Variants in PCSK5 observed in about 807,000 individuals in gnomAD.
The protein encoded by PCSK5 is prohormone convertase 5.
PCSK5 carries 129 observed loss-of-function variants against 233.2 expected under a neutral mutation model. The ratio of observed to expected loss-of-function variants is 0.55; its 90% confidence interval spans 0.48 to 0.64. The LOEUF is 0.64. PCSK5 is among the 30% of genes least tolerant of loss of function. The probability of loss-of-function intolerance (pLI) is 0.00; values close to 1 mark genes in which losing one functional copy is unlikely to be tolerated. For synonymous variants in PCSK5, 825 were observed against 879.2 expected (o/e 0.94, Z 1.09); for missense variants, 2,076 against 2,430.1 (o/e 0.85, Z 3.06).
intron 24 of PCSK5, among the ~76,000 whole-genome samples, chr9:76,265,831 G>A (rs1205499971): frequency 6.6e-6 from 1 of 152,142 alleles, no homozygotes; most frequent in Non-Finnish European, 1.5e-5. Flanking sequence ...TTAACAGTAG[G>A]TGAAATCTAG....
chr9:76,356,024 G>A (rs550212556), intron 37 of PCSK5, among the ~76,000 whole-genome samples: 2 of 152,188 alleles, frequency 1.3e-5, no homozygotes, highest in South Asian at 2.1e-4. Flanking sequence ...TTTCAATTGG[G>A]TTTTAAGTAT....
chr9:75,967,643 G>T (rs1825646154), intron 2 of PCSK5, among the ~76,000 whole-genome samples: 1 of 152,182 alleles, frequency 6.6e-6, no homozygotes, highest in African/African-American at 2.4e-5. Context: ...TCAAAAGGTT[G>T]CCTGATAGAA....
chr9:76,320,465 C>CTTTTT (rs140154837), intron 30 of PCSK5, among the ~76,000 whole-genome samples: 12 of 102,020 alleles, frequency 1.2e-4, no homozygotes, highest in East Asian at 3.0e-4. Context: ...TACATTGTAG[C>CTTTTT]TTTTTTTTTT....
chr9:76,022,588 CAG>C (rs1396832759), intron 3 of PCSK5, among the ~76,000 whole-genome samples: 3 of 152,154 alleles, frequency 2.0e-5, no homozygotes, highest in African/African-American at 7.2e-5. Context: ...ACACATCACA[CAG>C]AGGGATATTT....
intron 17 of PCSK5, among the ~76,000 whole-genome samples, chr9:76,185,488 G>T (rs1168513601): frequency 6.6e-6 from 1 of 152,190 alleles, no homozygotes; most frequent in East Asian, 1.9e-4. Flanking sequence ...GTGATTGGAG[G>T]TAAACTAGGC....
At chr9:76,329,114 C>T (rs905020699) in intron 33 of PCSK5, among the ~76,000 whole-genome samples, 1 of 150,330 alleles carries the variant, frequency 6.7e-6, no homozygotes, top group African/African-American at 2.5e-5. Context: ...CCACTGCGCC[C>T]GGCCACTTTT....
intron 24 of PCSK5, among the ~76,000 whole-genome samples, chr9:76,285,627 T>C (rs776014136): frequency 6.6e-6 from 1 of 152,044 alleles, no homozygotes; most frequent in Non-Finnish European, 1.5e-5. Flanking sequence ...AAAGATAAGA[T>C]AGGAGCACCC....
At chr9:76,155,513 T>C (rs1005580218) in intron 10 of PCSK5, among the ~76,000 whole-genome samples, 17 of 152,158 alleles carry the variant, frequency 1.1e-4, no homozygotes, top group African/African-American at 3.9e-4. Flanking sequence ...AGACATATGC[T>C]GACAGAGAGA....
chr9:76,114,060 ATACTCT>A (rs1832329718), intron 9 of PCSK5, among the ~76,000 whole-genome samples: 1 of 152,062 alleles, frequency 6.6e-6, no homozygotes, highest in Non-Finnish European at 1.5e-5. Flanking sequence ...TTCCTTTCAT[ATACTCT>A]TAGAGTTTTT....
chr9:76,179,181 G>A (rs1035301333), intron 14 of PCSK5, among the ~76,000 whole-genome samples: 8 of 152,242 alleles, frequency 5.3e-5, no homozygotes, highest in East Asian at 1.9e-4. Context: ...TGGTCCAGGC[G>A]TTAAATAATA....
intron 9 of PCSK5, among the ~76,000 whole-genome samples, chr9:76,129,901 T>C (rs1330033143): frequency 6.6e-6 from 1 of 152,146 alleles, no homozygotes; most frequent in African/African-American, 2.4e-5. Flanking sequence ...TCATTAATTA[T>C]GCTGTTTTTG....
chr9:75,973,798 CAACT>C (rs1825900739), intron 2 of PCSK5, among the ~76,000 whole-genome samples: 1 of 152,190 alleles, frequency 6.6e-6, no homozygotes, highest in African/African-American at 2.4e-5. Flanking sequence ...TGGTCAAGGC[CAACT>C]CTCATTTTAG....
Position 76,197,597 on chromosome 9 carries a change from A to G in PCSK5, c.2626+7851A>G, listed in dbSNP as rs1319331611. On this transcript the variant is annotated intron_variant, in intron 20 of 37. Transcript: ENST00000674117. Reference sequence around the variant, plus strand: ...GACATTCATTCTTAACAGCTTCCATATTATCATTCAGCCTTGCACAGAGAG... The same window carrying G: ...GACATTCATTCTTAACAGCTTCCATGTTATCATTCAGCCTTGCACAGAGAG... Among the ~76,000 whole-genome samples the G allele has an allele frequency of 3.3e-5, 5 of 152,308 alleles. No individual in the cohort carries two copies. In the South Asian group the frequency reaches 6.2e-4, roughly 19 times the overall value.
chr9:76,086,988 C>T (rs1197262052), intron 7 of PCSK5, among the ~76,000 whole-genome samples: 1 of 152,164 alleles, frequency 6.6e-6, no homozygotes, highest in African/African-American at 2.4e-5. Flanking sequence ...CATTGGTAAA[C>T]ACACCCAGTT....
intron 2 of PCSK5, among the ~76,000 whole-genome samples, chr9:75,975,119 A>G (rs10869675): frequency 0.3 from 46,059 of 152,060 alleles, 7,435 homozygotes; most frequent in Admixed American, 0.46. Context: ...GAGAAAGCGC[A>G]AAATGGATGA....
chr9:76,281,948 C>G (rs573447614), intron 24 of PCSK5, among the ~76,000 whole-genome samples: 6 of 152,146 alleles, frequency 3.9e-5, no homozygotes, highest in African/African-American at 1.4e-4. Flanking sequence ...TGCACCTGGC[C>G]TAAGTCTTAC....
intron 20 of PCSK5, among the ~76,000 whole-genome samples, chr9:76,208,990 ACTT>A (rs1349660092): frequency 1.3e-5 from 2 of 152,186 alleles, no homozygotes; most frequent in East Asian, 3.8e-4. Flanking sequence ...TTGGCAGTGA[ACTT>A]CTGTGCTGGA....
At chr9:76,088,746 A>C (rs1831163817) in intron 7 of PCSK5, among the ~76,000 whole-genome samples, 1 of 152,190 alleles carries the variant, frequency 6.6e-6, no homozygotes, top group African/African-American at 2.4e-5. Context: ...CCACGACTAC[A>C]TTATCTCTGT....
At chr9:76,246,347 A>C (rs1029576467) in intron 24 of PCSK5, among the ~76,000 whole-genome samples, 1 of 138,836 alleles carries the variant, frequency 7.2e-6, no homozygotes, top group African/African-American at 3.3e-5. Flanking sequence ...ATCTCAAAAA[A>C]AAAAAAAAAA....
Sources: allele counts gnomAD v4.1 joint callset (sites outside exome capture counted in the v4.1 genomes callset), GRCh38; gene constraint gnomAD v4.1.1; transcripts MANE v1.5; gene names NCBI Gene and HGNC (gene_info 2026-07-23, HGNC 2026-07-21).